Variants in ELFN1 observed in about 807,000 individuals in gnomAD.
ELFN1 encodes protein ELFN1.
A neutral mutation model predicts 7.6 loss-of-function variants in ELFN1; 6 were observed. That is an observed-to-expected ratio of 0.79 (90% CI 0.43 to 1.56). The LOEUF is 1.56. Ranked by LOEUF, ELFN1 falls within the 40% of genes most tolerant of loss-of-function variation. The pLI is 0.01. For missense variants in ELFN1, 1,169 were observed against 1,232.2 expected, an observed-to-expected ratio of 0.95 and a Z score of 0.77; for synonymous variants, 657 against 588.1, an observed-to-expected ratio of 1.12 and a Z score of -1.70.
chr7:1,746,860 C>G lies in ELFN1; in HGVS notation c.2264C>G (p.Pro755Arg). ...GACCTCGCCTACTCGCAGCTGTCCC[C>G]GCAGTACCACAGCCTGAGCTACTCC... ...PRDLAYSQLS[P>R]QYHSLSYSSS... The change falls in exon 4 of 4, where the codon CCG (proline) becomes CGG (arginine). Residue 755 changes from proline (P) to arginine (R), a missense_variant. This residue lies in a region of ELFN1 where 914 missense variants were observed against 872.6 expected (regional missense o/e 1.05). Transcript: ENST00000424383. 1 of 1,540,912 alleles carries G rather than the reference C, an allele frequency of 6.5e-7. No individual in the cohort carries two copies. The highest frequency in any genetic ancestry group is 8.8e-7 in the Non-Finnish European group (1 of 1,142,398).
At chr7:1,680,279 T>G (rs925175873) in intron 1 of ELFN1, among the ~76,000 whole-genome samples, 56 of 152,196 alleles carry the variant, frequency 3.7e-4, no homozygotes, top group African/African-American at 1.3e-3. Context: ...GAACAAATTG[T>G]GTGTTTGATT....
intron 1 of ELFN1, among the ~76,000 whole-genome samples, chr7:1,683,949 G>C (rs1454780516): frequency 1.3e-5 from 2 of 152,270 alleles, no homozygotes; most frequent in South Asian, 2.1e-4. Flanking sequence ...AGGAGTTTGA[G>C]ACCACCCTGG....
At chr7:1,693,925 G>A (rs1431778625) in intron 2 of ELFN1, 2 of 397,480 alleles carry the variant, frequency 5.0e-6, no homozygotes, top group Non-Finnish European at 5.3e-6. Context: ...CGGCAAGGTG[G>A]GCAGCACTCG....
chr7:1,741,499 G>A (rs1780612957), intron 3 of ELFN1, among the ~76,000 whole-genome samples: 1 of 152,192 alleles, frequency 6.6e-6, no homozygotes, highest in African/African-American at 2.4e-5. Flanking sequence ...AGAGCTGGGT[G>A]GGGAGGTGAG....
intron 3 of ELFN1, among the ~76,000 whole-genome samples, chr7:1,712,101 C>T (rs548501410): frequency 1.3e-5 from 2 of 152,342 alleles, no homozygotes; most frequent in South Asian, 2.1e-4. Context: ...GCAGCAGCTA[C>T]GGGCCTTCCC....
intron 2 of ELFN1, chr7:1,692,664 T>A (rs1459394589): frequency 6.5e-6 from 1 of 153,846 alleles, no homozygotes; most frequent in Non-Finnish European, 1.4e-5. Flanking sequence ...CGGCTGCACC[T>A]GCCCCTGGCT....
chr7:1,680,030 C>T (rs1185890126), intron 1 of ELFN1, among the ~76,000 whole-genome samples: 1 of 152,220 alleles, frequency 6.6e-6, no homozygotes, highest in East Asian at 1.9e-4. Context: ...ACCATGAAGT[C>T]GGGACATGGG....
At chr7:1,730,010 C>T (rs756624516) in intron 3 of ELFN1, among the ~76,000 whole-genome samples, 19 of 152,316 alleles carry the variant, frequency 1.2e-4, no homozygotes, top group Non-Finnish European at 2.2e-4. Context: ...CCAAGGCCCT[C>T]GGCAGCCCCA....
rs962353247 is a variant in ELFN1, at chr7:1,735,597, G to A, written c.-293-8707G>A. Among the ~76,000 whole-genome samples, 17 of 152,108 alleles carry A rather than the reference G, an allele frequency of 1.1e-4. No individual in the cohort carries two copies. The highest frequency in any genetic ancestry group is 9.7e-5 in the African/African-American group (4 of 41,420). On this transcript the variant is annotated intron_variant, in intron 3 of 3. Transcript: ENST00000424383. This position sits in a 1 kb window ranked among gnomAD's most constrained non-coding sequence, Gnocchi z 5.9. ...GGACAATAGGATGGGAGCAGGGAGC[G>A]GAAGAGAGGACTGGGTCTGGGGGAG...
chr7:1,685,199 G>A (rs1428323848), intron 1 of ELFN1, among the ~76,000 whole-genome samples: 6 of 151,906 alleles, frequency 3.9e-5, no homozygotes, highest in Non-Finnish European at 7.4e-5. Context: ...TTATCATATT[G>A]CTGTTACTCT....
intron 3 of ELFN1, among the ~76,000 whole-genome samples, chr7:1,717,201 G>A (rs953526131): frequency 1.3e-5 from 2 of 152,164 alleles, no homozygotes; most frequent in African/African-American, 4.8e-5. Flanking sequence ...GCCCAGAGCC[G>A]GAGCTCAGGA....
intron 3 of ELFN1, among the ~76,000 whole-genome samples, chr7:1,731,329 C>T (rs911461144): frequency 1.3e-5 from 2 of 152,130 alleles, no homozygotes; most frequent in Non-Finnish European, 2.9e-5. Flanking sequence ...ATTCAAATGG[C>T]AAGACTAAAG....
intron 2 of ELFN1, among the ~76,000 whole-genome samples, chr7:1,691,425 A>T (rs2128580167): frequency 6.6e-6 from 1 of 152,268 alleles, no homozygotes; most frequent in African/African-American, 2.4e-5. Context: ...TTGGCACTAA[A>T]CGTTAGGCCC....
chr7:1,733,254 G>A (rs994189466), intron 3 of ELFN1, among the ~76,000 whole-genome samples: 3 of 152,120 alleles, frequency 2.0e-5, no homozygotes, highest in African/African-American at 4.8e-5. Context: ...CTTGGCAGCC[G>A]GGACACCAGT....
intron 1 of ELFN1, among the ~76,000 whole-genome samples, chr7:1,675,882 G>C (rs532509639): frequency 6.6e-6 from 1 of 152,366 alleles, no homozygotes; most frequent in African/African-American, 2.4e-5. Flanking sequence ...GGGTTGGCCA[G>C]CGCTTGGCTC....
chr7:1,708,961 C>T (rs758830074), intron 2 of ELFN1, 130 bp from the exon 3 acceptor site: 3 of 152,202 alleles, frequency 2.0e-5, no homozygotes, highest in Non-Finnish European at 2.9e-5. Context: ...TGAGGTGTGA[C>T]GTACCTGCAG....
At chr7:1,718,034 C>T (rs1306899640) in intron 3 of ELFN1, among the ~76,000 whole-genome samples, 2 of 152,156 alleles carry the variant, frequency 1.3e-5, no homozygotes, top group African/African-American at 4.8e-5. Context: ...GTCAGTGGCC[C>T]AGGGCTGGTA....
chr7:1,744,438 C>A lies in ELFN1; in HGVS notation c.-159C>A, dbSNP rs919748271. 1 of 829,406 alleles carries A rather than the reference C, an allele frequency of 1.2e-6. No homozygotes were observed. The highest frequency in any genetic ancestry group is 1.8e-6 in the Non-Finnish European group (1 of 568,692). The allele number at this position is 829,406 out of a possible 1,614,324, so 51.4% of individuals were successfully genotyped here. On this transcript the variant is annotated 5_prime_UTR_variant, in exon 4 of 4. Coordinates refer to ENST00000424383, the MANE Select transcript of ELFN1 (RefSeq NM_001128636.4). Reference sequence around the variant, plus strand: ...CCGTGAGGGAGGCGCCCTCCCTCCCCGCGCTTACGTCGCGCGGCCATGCGG... The same window carrying A: ...CCGTGAGGGAGGCGCCCTCCCTCCCAGCGCTTACGTCGCGCGGCCATGCGG...
At chr7:1,694,996 C>T (rs1779269487) in intron 2 of ELFN1, among the ~76,000 whole-genome samples, 1 of 152,244 alleles carries the variant, frequency 6.6e-6, no homozygotes, top group Admixed American at 6.5e-5. Flanking sequence ...GCTCCCTGCC[C>T]TCCCTGTTGA....
Sources: gnomAD v4.1 joint callset for allele counts (sites outside exome capture counted in the v4.1 genomes callset) on GRCh38, gnomAD v4.1.1 for gene constraint, gnomAD v4.1.1 regional missense constraint, Gnocchi (gnomAD v3.1) non-coding constraint, MANE v1.5 for transcripts, NCBI Gene and HGNC (gene_info 2026-07-23, HGNC 2026-07-21) for gene names.